The following ETS1 variants were observed in gnomAD, a reference collection of about 807,000 sequenced individuals.
ETS1 encodes the protein ETS proto-oncogene 1, transcription factor, also known as protein C-ets-1.
Under a neutral mutation model 58.6 loss-of-function variants are expected in ETS1, and 15 were observed. That is an observed-to-expected ratio of 0.26 (90% CI 0.17 to 0.39). The LOEUF (loss-of-function observed/expected upper bound fraction) is 0.39. Among genes scored for constraint, ETS1 ranks in the 10% least tolerant of loss-of-function variants. ETS1 has a pLI of 1.00. For synonymous variants in ETS1, 214 were observed against 218.2 expected (o/e 0.98, Z 0.17); for missense variants, 417 against 610.5 (o/e 0.68, Z 3.34).
chr11:128,587,234 GTTTTAC>G (rs2135610766), intron 1 of ETS1, among the ~76,000 whole-genome samples: 1 of 151,562 alleles, frequency 6.6e-6, no homozygotes, highest in Non-Finnish European at 1.5e-5. Flanking sequence ...AACGTGCATG[GTTTTAC>G]TTTTGTGAAG....
intron 3 of ETS1, among the ~76,000 whole-genome samples, chr11:128,545,938 G>T (rs1296505057): frequency 6.6e-6 from 1 of 152,182 alleles, no homozygotes; most frequent in Non-Finnish European, 1.5e-5. Context: ...GTTGAAGTGA[G>T]CACAACAACT....
intron 3 of ETS1, among the ~76,000 whole-genome samples, chr11:128,500,924 T>C (rs1863072760): frequency 6.6e-6 from 1 of 152,226 alleles, no homozygotes; most frequent in Admixed American, 6.5e-5. Flanking sequence ...CCCATCCTTT[T>C]TGAGCTACAC....
intron 1 of ETS1, among the ~76,000 whole-genome samples, chr11:128,578,816 A>C (rs1864804595): frequency 6.6e-6 from 1 of 152,208 alleles, no homozygotes; most frequent in African/African-American, 2.4e-5. Flanking sequence ...GTCTATCCTA[A>C]AGATGATGAC....
chr11:128,472,989 G>A (rs1417150102), intron 8 of ETS1, among the ~76,000 whole-genome samples: 3 of 151,768 alleles, frequency 2.0e-5, no homozygotes, highest in South Asian at 2.1e-4. Flanking sequence ...CATCTTATTT[G>A]TTGTTTGCTG....
chr11:128,522,723 C>G (rs934179286), intron 3 of ETS1, among the ~76,000 whole-genome samples: 5 of 152,232 alleles, frequency 3.3e-5, no homozygotes, highest in African/African-American at 9.6e-5. Context: ...CTCGCCCCCT[C>G]CCAGTAGCAG....
intron 3 of ETS1, among the ~76,000 whole-genome samples, chr11:128,547,794 A>T (rs567612240): frequency 2.6e-5 from 4 of 152,208 alleles, no homozygotes; most frequent in South Asian, 2.1e-4. Flanking sequence ...CCCTATTTTT[A>T]AAAAATAGGG....
intron 3 of ETS1, among the ~76,000 whole-genome samples, chr11:128,522,617 G>A (rs1863718488): frequency 6.6e-6 from 1 of 152,220 alleles, no homozygotes. Flanking sequence ...GGAAGGGCCG[G>A]GAGCGGGTGT....
At chr11:128,488,416 C>T (rs768770351) in intron 5 of ETS1, among the ~76,000 whole-genome samples, 3 of 151,972 alleles carry the variant, frequency 2.0e-5, no homozygotes, top group Non-Finnish European at 4.4e-5. Context: ...AGGTATAATG[C>T]GGGGTAAAAG....
At chr11:128,514,555 C>T (rs1189506963) in intron 3 of ETS1, among the ~76,000 whole-genome samples, 1 of 152,184 alleles carries the variant, frequency 6.6e-6, no homozygotes, top group Non-Finnish European at 1.5e-5. Flanking sequence ...TGAAGCTGAC[C>T]TATGAAACTA....
chr11:128,544,367 A>ATATATATATATATATATG (rs1491442597), intron 3 of ETS1, among the ~76,000 whole-genome samples: 20 of 143,608 alleles, frequency 1.4e-4, no homozygotes, highest in African/African-American at 4.9e-4. Context: ...ATATATATAT[A>ATATATATATATATATATG]TGGAATTTCC....
intron 3 of ETS1, among the ~76,000 whole-genome samples, chr11:128,544,547 T>A (rs1864104442): frequency 6.6e-6 from 1 of 151,794 alleles, no homozygotes; most frequent in African/African-American, 2.4e-5. Context: ...TCCAAGGCTC[T>A]CCCTCTCCCC....
intron 8 of ETS1, among the ~76,000 whole-genome samples, chr11:128,476,743 G>C (rs1204856583): frequency 6.6e-6 from 1 of 152,218 alleles, no homozygotes; most frequent in African/African-American, 2.4e-5. Context: ...TAATTAGAAG[G>C]GGTTCATAAT....
Position 128,518,071 on chromosome 11 carries a change from T to C in ETS1, c.215-27495A>G, listed in dbSNP as rs186597231. Among the ~76,000 whole-genome samples, 6 of 152,328 alleles carry C rather than the reference T, an allele frequency of 3.9e-5. No individual in the cohort carries two copies. The East Asian group carries it at 1.2e-3, about 29-fold the overall frequency. On this transcript the variant is annotated intron_variant, in intron 3 of 9. Coordinates refer to ENST00000392668, the MANE Select transcript of ETS1 (RefSeq NM_001143820.2). ...TTGCCTCTAGACTTGGTAGCCTTCC[T>C]GCTCTGAGGTAACAATGACAATCTC... is the stretch of plus-strand genomic sequence containing the variant.
intron 3 of ETS1, among the ~76,000 whole-genome samples, chr11:128,543,193 C>CAAA (rs66563990): frequency 2.3e-5 from 2 of 87,168 alleles, no homozygotes; most frequent in South Asian, 3.4e-4. Context: ...AACTCTGTCT[C>CAAA]AAAAAAAAAA....
At chr11:128,538,099 T>TTG (rs1203943727) in intron 3 of ETS1, among the ~76,000 whole-genome samples, 2 of 152,160 alleles carry the variant, frequency 1.3e-5, no homozygotes, top group Admixed American at 1.3e-4. Flanking sequence ...GTGACTTTCT[T>TTG]TGAAACTTAC....
chr11:128,577,935 A>G (rs1409209801), intron 1 of ETS1, among the ~76,000 whole-genome samples: 1 of 150,040 alleles, frequency 6.7e-6, no homozygotes, highest in Non-Finnish European at 1.5e-5. Flanking sequence ...AAAAAGAGAG[A>G]GAGAGAGAAG....
chr11:128,458,935 AC>A lies in ETS1; in HGVS notation c.*3425del, dbSNP rs941476001. 2.0e-5 allele frequency: 3 copies of A among 152,830 alleles called. 1 individual carries two copies. Among genetic ancestry groups the A allele is most frequent in the Admixed American group, 2.0e-4 (3 of 15,290 alleles). 9.5% of individuals were successfully genotyped at this position (152,830 alleles called of 1,614,324 possible). ...TTTTTTTGCATTTTTTTTTAAAAAAACATCGACACTTACATCGCTACATCTC... is the reference window on the plus strand; with the variant it reads ...TTTTTTTGCATTTTTTTTTAAAAAAAATCGACACTTACATCGCTACATCTC... On this transcript the variant is annotated 3_prime_UTR_variant, in exon 10 of 10. Transcript: ENST00000392668. This position sits in a 1 kb window ranked among gnomAD's most constrained non-coding sequence, Gnocchi z 4.3.
intron 8 of ETS1, among the ~76,000 whole-genome samples, chr11:128,475,545 A>G (rs1007274991): frequency 6.9e-6 from 1 of 145,574 alleles, no homozygotes; most frequent in Admixed American, 7.1e-5. Flanking sequence ...CCTAGAGGAG[A>G]ATGCACAGGG....
intron 5 of ETS1, among the ~76,000 whole-genome samples, chr11:128,488,723 T>C (rs1217177033): frequency 6.6e-6 from 1 of 152,194 alleles, no homozygotes; most frequent in Non-Finnish European, 1.5e-5. Context: ...GGAGGCCATG[T>C]CATTATAAGG....
Sources: allele counts gnomAD v4.1 joint callset (sites outside exome capture counted in the v4.1 genomes callset), GRCh38; gene constraint gnomAD v4.1.1; non-coding constraint Gnocchi (gnomAD v3.1); transcripts MANE v1.5; gene names NCBI Gene and HGNC (gene_info 2026-07-23, HGNC 2026-07-21).